The following ENTREP2 variants were observed in gnomAD, a reference collection of about 807,000 sequenced individuals.
ENTREP2 encodes protein ENTREP2.
chr15:29,654,232 AC>A, the ENTREP2 span, among the ~76,000 whole-genome samples: 2 of 152,330 alleles, frequency 1.3e-5, no homozygotes, highest in South Asian at 4.1e-4. Context: ...TCTGTGACTA[AC>A]GGTAAAATTG....
At chr15:29,238,480 C>T in the ENTREP2 span, among the ~76,000 whole-genome samples, 7 of 151,426 alleles carry the variant, frequency 4.6e-5, no homozygotes, top group African/African-American at 1.7e-4. Flanking sequence ...AAAAAAAATA[C>T]AAAAAATTAT....
the ENTREP2 span, among the ~76,000 whole-genome samples, chr15:29,598,254 G>A: frequency 6.6e-6 from 1 of 152,180 alleles, no homozygotes; most frequent in Non-Finnish European, 1.5e-5. Flanking sequence ...CCAGCAGTTG[G>A]TATTGTTGGT....
the ENTREP2 span, among the ~76,000 whole-genome samples, chr15:29,260,262 C>A: frequency 6.6e-6 from 1 of 152,164 alleles, no homozygotes; most frequent in East Asian, 1.9e-4. Context: ...CGAAGTCAGA[C>A]AAAGACACTA....
chr15:29,498,362 T>A, the ENTREP2 span, among the ~76,000 whole-genome samples: 9 of 152,300 alleles, frequency 5.9e-5, no homozygotes, highest in Admixed American at 2.6e-4. Flanking sequence ...AGATATTTTT[T>A]AATTTTCCTA....
the ENTREP2 span, among the ~76,000 whole-genome samples, chr15:29,353,328 G>A: frequency 6.6e-6 from 1 of 152,146 alleles, no homozygotes; most frequent in African/African-American, 2.4e-5. Context: ...GCCATGAAGA[G>A]GACCCACCCG....
chr15:29,316,193 G>T, the ENTREP2 span, among the ~76,000 whole-genome samples: 1 of 152,064 alleles, frequency 6.6e-6, no homozygotes, highest in African/African-American at 2.4e-5. Flanking sequence ...CCAGTAAAAC[G>T]GGCAGGTGCC....
chr15:29,640,935 T>C, the ENTREP2 span, among the ~76,000 whole-genome samples: 1 of 152,110 alleles, frequency 6.6e-6, no homozygotes, highest in Non-Finnish European at 1.5e-5. Flanking sequence ...AACAAATTAC[T>C]ACCAAATTGA....
the ENTREP2 span, among the ~76,000 whole-genome samples, chr15:29,470,351 G>A: frequency 6.6e-6 from 1 of 152,162 alleles, no homozygotes; most frequent in East Asian, 1.9e-4. Context: ...AGGGCTACAG[G>A]ACACTCATCA....
At chr15:29,128,933 T>G in the ENTREP2 span, 4 of 1,065,476 alleles carry the variant, frequency 3.8e-6, no homozygotes, top group African/African-American at 6.5e-5. Context: ...CCTCCAGTAG[T>G]GTAGGCGCTT....
At chr15:29,488,944 G>A in the ENTREP2 span, among the ~76,000 whole-genome samples, 1 of 152,140 alleles carries the variant, frequency 6.6e-6, no homozygotes. Flanking sequence ...TCAGACTGAT[G>A]GCTTCCAGGG....
At chr15:29,590,772 A>G in the ENTREP2 span, among the ~76,000 whole-genome samples, 2 of 152,024 alleles carry the variant, frequency 1.3e-5, no homozygotes, top group Non-Finnish European at 2.9e-5. Context: ...CATGATTGAT[A>G]TAATGGTATG....
At chr15:29,479,115 G>A in the ENTREP2 span, among the ~76,000 whole-genome samples, 2,483 of 149,532 alleles carry the variant, frequency 0.017, 72 homozygotes, top group African/African-American at 0.057. Flanking sequence ...GCTGAGGCAG[G>A]AGAATGGCGT....
the ENTREP2 span, among the ~76,000 whole-genome samples, chr15:29,601,322 G>A: frequency 6.6e-6 from 1 of 152,070 alleles, no homozygotes; most frequent in Non-Finnish European, 1.5e-5. Flanking sequence ...TGGTGAATTG[G>A]CATACTCCTT....
chr15:29,281,656 C>T, the ENTREP2 span, among the ~76,000 whole-genome samples: 3 of 152,208 alleles, frequency 2.0e-5, no homozygotes, highest in Non-Finnish European at 4.4e-5. Context: ...GCTAACCCTG[C>T]GGCAACCCCG....
At chr15:29,551,101 A>G in the ENTREP2 span, among the ~76,000 whole-genome samples, 62,352 of 152,046 alleles carry the variant, frequency 0.41, 13,099 homozygotes, top group African/African-American at 0.51. Context: ...TTATGGCCAC[A>G]CAACATGGTT....
the ENTREP2 span, among the ~76,000 whole-genome samples, chr15:29,401,577 C>A: frequency 8.5e-5 from 13 of 152,154 alleles, no homozygotes; most frequent in Non-Finnish European, 1.2e-4. Flanking sequence ...TTTGATGTAG[C>A]CTTCCTTGGG....
chr15:29,472,768 A>C, the ENTREP2 span, among the ~76,000 whole-genome samples: 1 of 152,164 alleles, frequency 6.6e-6, no homozygotes, highest in African/African-American at 2.4e-5. Flanking sequence ...CCCGGCCTAT[A>C]ATCAATTATA....
At chr15:29,643,612 C>T in the ENTREP2 span, among the ~76,000 whole-genome samples, 1 of 151,964 alleles carries the variant, frequency 6.6e-6, no homozygotes, top group South Asian at 2.1e-4. Flanking sequence ...GAAACCCCAT[C>T]TCTACTGAAA....
chr15:29,256,958 C>A, the ENTREP2 span, among the ~76,000 whole-genome samples: 3 of 151,916 alleles, frequency 2.0e-5, no homozygotes, highest in Admixed American at 2.0e-4. Flanking sequence ...GAAGATCACT[C>A]GAAATAAGAA....
Sources: gnomAD v4.1 joint callset for allele counts (sites outside exome capture counted in the v4.1 genomes callset) on GRCh38, gnomAD v4.1.1 for gene constraint, MANE v1.5 for transcripts, NCBI Gene and HGNC (gene_info 2026-07-23, HGNC 2026-07-21) for gene names.